The following NRXN3 variants were observed in gnomAD, a reference collection of about 807,000 sequenced individuals.
NRXN3 encodes neurexin 3, also known as neurexin III.
A neutral mutation model predicts 137.6 loss-of-function variants in NRXN3; 32 were observed. The observed-to-expected ratio is 0.23, with a 90% CI of 0.18 to 0.31. The LOEUF (loss-of-function observed/expected upper bound fraction) is 0.31, where lower values mean the gene tolerates loss of function less well. Among genes scored for constraint, NRXN3 ranks in the 10% least tolerant of loss-of-function variants. The pLI, the probability that NRXN3 is intolerant of heterozygous loss-of-function variation, is 1.00. For missense variants in NRXN3, 1,574 were observed against 2,062.5 expected, an observed-to-expected ratio of 0.76 and a Z score of 4.59; for synonymous variants, 798 against 784.5, an observed-to-expected ratio of 1.02 and a Z score of -0.29.
intron 15 of NRXN3, among the ~76,000 whole-genome samples, chr14:79,142,317 T>C (rs969272886): frequency 1.3e-5 from 2 of 151,726 alleles, no homozygotes; most frequent in African/African-American, 4.8e-5. Context: ...TCCCAGCTAG[T>C]CCGGAGGCTG....
chr14:78,990,129 T>C (rs1041710980), intron 15 of NRXN3, among the ~76,000 whole-genome samples: 5 of 152,210 alleles, frequency 3.3e-5, no homozygotes, highest in Admixed American at 1.3e-4. Context: ...CAGCTTTCCT[T>C]TGTGGCAACA....
intron 19 of NRXN3, among the ~76,000 whole-genome samples, chr14:79,700,225 C>T (rs2098749881): frequency 6.6e-6 from 1 of 151,902 alleles, no homozygotes; most frequent in South Asian, 2.1e-4. Flanking sequence ...GAAGGTCAGT[C>T]CCAGAAGCAT....
intron 6 of NRXN3, among the ~76,000 whole-genome samples, chr14:78,661,879 T>C (rs1228592440): frequency 6.6e-6 from 1 of 152,144 alleles, no homozygotes; most frequent in African/African-American, 2.4e-5. Context: ...ATTTATTTTT[T>C]TTCTGAGACA....
intron 16 of NRXN3, among the ~76,000 whole-genome samples, chr14:79,631,715 A>G (rs966304350): frequency 4.6e-5 from 7 of 151,640 alleles, no homozygotes; most frequent in Non-Finnish European, 8.8e-5. Context: ...TAAACACCCA[A>G]TCAGCACTCT....
chr14:78,420,576 C>T (rs1342542300), intron 4 of NRXN3, among the ~76,000 whole-genome samples: 1 of 152,142 alleles, frequency 6.6e-6, no homozygotes, highest in East Asian at 1.9e-4. Flanking sequence ...TGTGCAGCTT[C>T]AGGGTGAGAA....
intron 8 of NRXN3, among the ~76,000 whole-genome samples, chr14:78,779,445 A>G (rs1213147965): frequency 6.6e-6 from 1 of 152,158 alleles, no homozygotes; most frequent in Non-Finnish European, 1.5e-5. Context: ...AATGAATACT[A>G]TCATTGTTTC....
Position 79,318,003 on chromosome 14 carries a change from T to G in NRXN3, c.3263-149218T>G, listed in dbSNP as rs534407603. Among the ~76,000 whole-genome samples the G allele has an allele frequency of 4.1e-4, 62 of 152,292 alleles. 2 individuals carry two copies. In the South Asian group the frequency reaches 0.012, roughly 30 times the overall value. ...TCAGATAAAAATCTCTGTGTAGGTT[T>G]TTCATAGCCCCAATTCAAGTTAGAC... is the stretch of plus-strand genomic sequence containing the variant. On this transcript the variant is annotated intron_variant, in intron 15 of 20. Coordinates refer to ENST00000335750, the MANE Select transcript of NRXN3 (RefSeq NM_001330195.2).
At chr14:78,323,425 G>A (rs1469140985) in intron 4 of NRXN3, among the ~76,000 whole-genome samples, 1 of 152,026 alleles carries the variant, frequency 6.6e-6, no homozygotes, top group East Asian at 1.9e-4. Context: ...AGCACACCTG[G>A]AGCCTCATCT....
At chr14:78,696,382 A>G (rs2098226229) in intron 6 of NRXN3, among the ~76,000 whole-genome samples, 1 of 151,974 alleles carries the variant, frequency 6.6e-6, no homozygotes, top group African/African-American at 2.4e-5. Flanking sequence ...GTGCCAGGAG[A>G]TATTCTAAGC....
chr14:78,319,805 C>G (rs2153557397), intron 4 of NRXN3, among the ~76,000 whole-genome samples: 1 of 152,298 alleles, frequency 6.6e-6, no homozygotes, highest in South Asian at 2.1e-4. Context: ...ATCTCACTCT[C>G]CCTGTTACCC....
At chr14:79,157,855 C>A (rs1374637375) in intron 15 of NRXN3, among the ~76,000 whole-genome samples, 1 of 151,688 alleles carries the variant, frequency 6.6e-6, no homozygotes, top group African/African-American at 2.4e-5. Flanking sequence ...GCTTGAGAAG[C>A]ATTTTATAAG....
At chr14:79,126,154 C>T (rs1207829576) in intron 15 of NRXN3, among the ~76,000 whole-genome samples, 1 of 151,488 alleles carries the variant, frequency 6.6e-6, no homozygotes, top group African/African-American at 2.4e-5. Context: ...TTCCATAGTT[C>T]AGAGCATTTA....
intron 6 of NRXN3, among the ~76,000 whole-genome samples, chr14:78,661,166 A>C (rs61976147): frequency 6.6e-6 from 1 of 152,176 alleles, no homozygotes; most frequent in African/African-American, 2.4e-5. Context: ...TTGGAGTGCA[A>C]TATTAACAGA....
intron 16 of NRXN3, among the ~76,000 whole-genome samples, chr14:79,503,233 A>G (rs533802998): frequency 1.3e-5 from 2 of 152,232 alleles, no homozygotes; most frequent in Non-Finnish European, 1.5e-5. Flanking sequence ...CGGGATATAC[A>G]TGGAAGGGAG....
At chr14:79,683,936 G>C (rs2098683156) in intron 17 of NRXN3, among the ~76,000 whole-genome samples, 1 of 152,134 alleles carries the variant, frequency 6.6e-6, no homozygotes, top group Admixed American at 6.5e-5. Flanking sequence ...TTACTCTGTA[G>C]AATCAAGTCA....
chr14:78,523,107 T>C (rs1334056253), intron 4 of NRXN3, among the ~76,000 whole-genome samples: 1 of 152,202 alleles, frequency 6.6e-6, no homozygotes, highest in African/African-American at 2.4e-5. Context: ...ACCATGACAA[T>C]AGACACAAGT....
At chr14:78,991,698 G>C (rs548072727) in intron 15 of NRXN3, among the ~76,000 whole-genome samples, 1 of 152,274 alleles carries the variant, frequency 6.6e-6, no homozygotes, top group Admixed American at 6.5e-5. Context: ...GACTTGTAAG[G>C]CTCTAAAAAT....
chr14:79,453,887 A>G (rs2096216495), intron 15 of NRXN3, among the ~76,000 whole-genome samples: 1 of 152,052 alleles, frequency 6.6e-6, no homozygotes, highest in South Asian at 2.1e-4. Context: ...TCACTGATCC[A>G]ATTCCAATTT....
chr14:79,844,600 T>G (rs1051250423), intron 20 of NRXN3, among the ~76,000 whole-genome samples: 1 of 152,128 alleles, frequency 6.6e-6, no homozygotes, highest in African/African-American at 2.4e-5. Context: ...AGTACTATTT[T>G]GAAAGGAATC....
Sources: allele counts gnomAD v4.1 joint callset (sites outside exome capture counted in the v4.1 genomes callset), GRCh38; gene constraint gnomAD v4.1.1; transcripts MANE v1.5; gene names NCBI Gene and HGNC (gene_info 2026-07-23, HGNC 2026-07-21).